KLF8: variants seen among roughly 807,000 people sequenced by gnomAD.
The protein encoded by KLF8 is KLF transcription factor 8.
A neutral mutation model predicts 18.2 loss-of-function variants in KLF8; 10 were observed. That is an observed-to-expected ratio of 0.55 (90% confidence interval 0.34 to 0.93). KLF8 has a LOEUF of 0.93. Ranked by LOEUF, KLF8 falls within the 40% of genes least tolerant of loss-of-function variation. KLF8 has a pLI of 0.02. For synonymous variants in KLF8, 109 were observed against 97.3 expected (o/e 1.12, Z -0.71); for missense variants, 264 against 277.9 (o/e 0.95, Z 0.36).
At chrX:55,973,333 A>G in the KLF8 span, among the ~76,000 whole-genome samples, 1 of 112,318 alleles carries the variant, frequency 8.9e-6, no homozygotes, top group South Asian at 3.7e-4. Flanking sequence ...AGCAATATCA[A>G]CAAAAACATA....
the KLF8 span, among the ~76,000 whole-genome samples, chrX:56,118,790 C>T: frequency 2.7e-5 from 3 of 112,134 alleles, no homozygotes; most frequent in Middle Eastern, 4.7e-3. Flanking sequence ...GGTTACATAA[C>T]GCAAGCTTTT....
chrX:55,926,542 C>T, the KLF8 span, among the ~76,000 whole-genome samples: 1 of 111,068 alleles, frequency 9.0e-6, no homozygotes, highest in Non-Finnish European at 1.9e-5. Context: ...CATTCTCTTA[C>T]ATATTTACTT....
chrX:55,923,555 G>A, the KLF8 span, among the ~76,000 whole-genome samples: 1 of 110,909 alleles, frequency 9.0e-6, no homozygotes, highest in African/African-American at 3.3e-5. Flanking sequence ...TTCTTCCTGC[G>A]TTTTTCTCAT....
the KLF8 span, among the ~76,000 whole-genome samples, chrX:56,125,749 T>C: frequency 8.9e-6 from 1 of 111,909 alleles, no homozygotes; most frequent in Non-Finnish European, 1.9e-5. Context: ...GAGTGTAGAA[T>C]AGAAATACAT....
At chrX:56,052,752 C>T in the KLF8 span, among the ~76,000 whole-genome samples, 5 of 112,004 alleles carry the variant, frequency 4.5e-5, no homozygotes, top group African/African-American at 9.7e-5. Flanking sequence ...AGAGGTGTAG[C>T]CTAAGGAGGC....
chrX:56,031,096 T>C, the KLF8 span, among the ~76,000 whole-genome samples: 58,064 of 109,527 alleles, frequency 0.53, 13,759 homozygotes, highest in East Asian at 0.75. Flanking sequence ...CCTGGAGTCA[T>C]AGTAACTCCA....
chrX:56,157,016 A>C, the KLF8 span, among the ~76,000 whole-genome samples: 2 of 108,584 alleles, frequency 1.8e-5, no homozygotes, highest in Non-Finnish European at 3.8e-5. Context: ...TGGATTAAGA[A>C]AATGTGGCAC....
At chrX:56,138,680 G>A in the KLF8 span, among the ~76,000 whole-genome samples, 3 of 111,147 alleles carry the variant, frequency 2.7e-5, no homozygotes, top group East Asian at 2.8e-4. Context: ...AAAAATAAGA[G>A]CCATCTCTGA....
the KLF8 span, among the ~76,000 whole-genome samples, chrX:56,200,574 A>C: frequency 3.6e-5 from 4 of 110,215 alleles, no homozygotes; most frequent in Non-Finnish European, 7.6e-5. Context: ...GATTTTATAG[A>C]TGTAAAACCA....
chrX:56,189,882 AG>A, the KLF8 span, among the ~76,000 whole-genome samples: 21 of 36,934 alleles, frequency 5.7e-4, no homozygotes, highest in Non-Finnish European at 8.5e-4. Flanking sequence ...GGGTGGGGGG[AG>A]GGGGGAGGGA....
the KLF8 span, among the ~76,000 whole-genome samples, chrX:56,202,974 C>T: frequency 9.0e-6 from 1 of 110,728 alleles, no homozygotes; most frequent in Non-Finnish European, 1.9e-5. Context: ...TATGGTAGCT[C>T]TGTTTTTAGA....
At chrX:56,064,838 T>A in the KLF8 span, among the ~76,000 whole-genome samples, 1 of 111,614 alleles carries the variant, frequency 9.0e-6, no homozygotes, top group Non-Finnish European at 1.9e-5. Flanking sequence ...CTATTTCTCA[T>A]CCATTTACGA....
the KLF8 span, among the ~76,000 whole-genome samples, chrX:55,922,370 C>G: frequency 8.9e-6 from 1 of 112,367 alleles, no homozygotes; most frequent in Non-Finnish European, 1.9e-5. Flanking sequence ...GAACGGAAAA[C>G]CAAACACTGC....
At chrX:55,925,563 C>A in the KLF8 span, among the ~76,000 whole-genome samples, 1 of 111,331 alleles carries the variant, frequency 9.0e-6, no homozygotes, top group Non-Finnish European at 1.9e-5. Flanking sequence ...TATTTATGAT[C>A]CAATTCGGTG....
chrX:56,043,293 G>A, the KLF8 span, among the ~76,000 whole-genome samples: 1 of 108,820 alleles, frequency 9.2e-6, no homozygotes, highest in Non-Finnish European at 1.9e-5. Flanking sequence ...TATGTGTATT[G>A]GAGATGATCT....
chrX:56,205,221 T>A, the KLF8 span, among the ~76,000 whole-genome samples: 2 of 111,373 alleles, frequency 1.8e-5, no homozygotes, highest in Non-Finnish European at 3.8e-5. Context: ...AAGGATGTAT[T>A]TTTTCTTAAG....
At chrX:56,130,083 A>T in the KLF8 span, among the ~76,000 whole-genome samples, 1 of 110,325 alleles carries the variant, frequency 9.1e-6, no homozygotes, top group Non-Finnish European at 1.9e-5. Context: ...CTGAAGACAA[A>T]GGCCATATTA....
At chrX:55,983,590 T>G in the KLF8 span, among the ~76,000 whole-genome samples, 1 of 112,300 alleles carries the variant, frequency 8.9e-6, no homozygotes, top group Non-Finnish European at 1.9e-5. Context: ...CATTTCTATT[T>G]GTGGTTGATA....
At chrX:56,028,598 G>A in the KLF8 span, among the ~76,000 whole-genome samples, 2 of 111,604 alleles carry the variant, frequency 1.8e-5, no homozygotes, top group Non-Finnish European at 3.8e-5. Flanking sequence ...ACGTACTGGA[G>A]CAAGACGCAG....
Sources: allele counts gnomAD v4.1 joint callset (sites outside exome capture counted in the v4.1 genomes callset), GRCh38; gene constraint gnomAD v4.1.1; transcripts MANE v1.5; gene names NCBI Gene and HGNC (gene_info 2026-07-23, HGNC 2026-07-21).